ITFG2: variants seen among roughly 807,000 people sequenced by gnomAD.
ITFG2 encodes the protein KICSTOR complex protein ITFG2.
In ITFG2, 36 loss-of-function variants were observed where a neutral mutation model predicts 54.4. The ratio of observed to expected loss-of-function variants is 0.66; its 90% CI spans 0.51 to 0.87. The LOEUF (loss-of-function observed/expected upper bound fraction) is 0.87, where lower values mean the gene tolerates loss of function less well. Among genes scored for constraint, ITFG2 ranks in the 40% least tolerant of loss-of-function variants. ITFG2 has a pLI of 0.00. For synonymous variants in ITFG2, 211 were observed against 225.4 expected, an observed-to-expected ratio of 0.94 and a Z score of 0.57; for missense variants, 524 against 576.7, an observed-to-expected ratio of 0.91 and a Z score of 0.94.
chr12:2,835,196 A>AGG (rs2098023713), upstream of ITFG2: 7 of 872,826 alleles, frequency 8.0e-6, no homozygotes, highest in Non-Finnish European at 9.2e-6. Context: ...TGTGTGAGAG[A>AGG]GAGAGAGAGA....
intron 2 of ITFG2, chr12:2,830,735 C>G: frequency 3.1e-6 from 5 of 1,613,252 alleles, no homozygotes; most frequent in Non-Finnish European, 4.2e-6. Context: ...GAGCTGGAAT[C>G]TCTGTCCTGC....
chr12:2,833,304 G>C (rs1004083005), upstream of ITFG2, among the ~76,000 whole-genome samples: 2 of 152,074 alleles, frequency 1.3e-5, no homozygotes, highest in Admixed American at 1.3e-4. Context: ...CCGCTTCCCT[G>C]CTCCATCCCT....
intron 2 of ITFG2, chr12:2,849,675 C>T (rs1017712586): frequency 1.1e-5 from 10 of 871,012 alleles, no homozygotes; most frequent in Middle Eastern, 3.4e-4. Flanking sequence ...TCCACCTAAT[C>T]GGATATTGAC....
intron 4 of ITFG2, among the ~76,000 whole-genome samples, chr12:2,819,269 C>T (rs1014931017): frequency 1.3e-5 from 2 of 152,034 alleles, no homozygotes; most frequent in African/African-American, 2.4e-5. Context: ...CCGAGACCAT[C>T]CTGGCTAACA....
intron 2 of ITFG2, chr12:2,855,148 A>AGCC (rs1244617968): frequency 6.5e-7 from 1 of 1,528,652 alleles, no homozygotes; most frequent in African/African-American, 1.4e-5. Context: ...GGAGTCGGTC[A>AGCC]GCCAGCGCCA....
chr12:2,817,902 C>T lies in ITFG2; in HGVS notation c.193-7C>T. On this transcript the variant is annotated splice_polypyrimidine_tract_variant and splice_region_variant and intron_variant, in intron 2 of 11. Transcript: ENST00000228799. ...CGTCTCCCTGAGCCTCCCTTTCTCT[C>T]TTACAGCTGACTTGCGTTGGGGTTG... is the stretch of plus-strand genomic sequence containing the variant. 1.2e-6 allele frequency: 2 copies of T among 1,613,700 alleles called. No individual in the cohort carries two copies. The highest frequency in any genetic ancestry group is 8.5e-7 in the Non-Finnish European group (1 of 1,179,830).
chr12:2,858,493 G>A (rs2098096702), intron 3 of ITFG2: 2 of 673,722 alleles, frequency 3.0e-6, no homozygotes, highest in East Asian at 2.7e-5. Flanking sequence ...GGGTGTGACT[G>A]CTACTTTTGC....
chr12:2,828,799 G>A (rs1273533609), downstream of ITFG2, among the ~76,000 whole-genome samples: 1 of 152,122 alleles, frequency 6.6e-6, no homozygotes, highest in Non-Finnish European at 1.5e-5. Context: ...CCAAGATCAC[G>A]CCATTACACT....
chr12:2,843,356 C>G (rs1338913810), intron 2 of ITFG2, among the ~76,000 whole-genome samples: 1 of 152,212 alleles, frequency 6.6e-6, no homozygotes, highest in Non-Finnish European at 1.5e-5. Flanking sequence ...GTGGATCTTC[C>G]AAAGGCTGCC....
At position 2,812,842 on chromosome 12, in the gene ITFG2, G is replaced by A. The variant is rs1202745719; in HGVS notation, c.82G>A (p.Val28Ile). Residue 28 changes from valine (V) to isoleucine (I), a missense_variant, in exon 1 of 12, where the codon GTT becomes ATT. Val to Ile is a conservative substitution (Grantham distance 29). Coordinates refer to ENST00000228799, the MANE Select transcript of ITFG2 (RefSeq NM_018463.4). The stretch of plus-strand genomic sequence containing the variant: ...CCCGCACGCAATCTGCCTCGGAGAC[G>A]TTGATAACGATACGGTAGGTGCATG... ...LFPHAICLGD[V>I]DNDTLNELVV... The A allele has an allele frequency of 1.2e-6, 2 of 1,612,096 alleles. No individual in the cohort carries two copies. Among genetic ancestry groups the A allele is most frequent in the South Asian group, 1.1e-5 (1 of 91,050 alleles).
chr12:2,832,480 G>A (rs1017975421), upstream of ITFG2, among the ~76,000 whole-genome samples: 3 of 151,900 alleles, frequency 2.0e-5, no homozygotes, highest in African/African-American at 7.3e-5. Flanking sequence ...TGGATGACTG[G>A]CTTAACACAC....
chr12:2,832,561 C>CT (rs2098008992), upstream of ITFG2, among the ~76,000 whole-genome samples: 1 of 151,612 alleles, frequency 6.6e-6, no homozygotes, highest in African/African-American at 2.4e-5. Flanking sequence ...GATGTACCCT[C>CT]TCCAGGATAC....
At chr12:2,850,847 T>G (rs2153928529) in intron 2 of ITFG2, among the ~76,000 whole-genome samples, 1 of 151,994 alleles carries the variant, frequency 6.6e-6, no homozygotes, top group African/African-American at 2.4e-5. Flanking sequence ...ATTTTTTATA[T>G]TTTTAGTAGA....
At chr12:2,813,125 C>T (rs2153922836) in intron 1 of ITFG2, among the ~76,000 whole-genome samples, 1 of 152,358 alleles carries the variant, frequency 6.6e-6, no homozygotes, top group African/African-American at 2.4e-5. Context: ...CAACCTCTGC[C>T]TCCCGGGCTC....
intron 2 of ITFG2, 125 bp from the exon 3 acceptor site, chr12:2,817,784 C>A: frequency 1.2e-6 from 1 of 866,794 alleles, no homozygotes; most frequent in South Asian, 1.7e-5. Flanking sequence ...CACCATGGTT[C>A]ATATGGCGAA....
intron 2 of ITFG2, among the ~76,000 whole-genome samples, chr12:2,852,452 G>A (rs139422829): frequency 5.3e-5 from 8 of 151,958 alleles, no homozygotes; most frequent in African/African-American, 1.7e-4. Context: ...CTGCAGCCTC[G>A]ACCTCCTGGG....
In ITFG2 at chr12:2,824,148, C is replaced by T. The variant is rs1305036039; in HGVS notation, c.1299C>T (p.Asp433=). 6.2e-7 allele frequency: 1 copy of T among 1,614,056 alleles called. No homozygotes were observed. The highest frequency in any genetic ancestry group is 1.7e-5 in the Admixed American group (1 of 60,002). Residue 433 remains aspartate (D), a synonymous_variant, in exon 12 of 12, where the codon GAC becomes GAT. Coordinates refer to ENST00000228799, the MANE Select transcript of ITFG2 (RefSeq NM_018463.4). ...TTCACCAAACGCTCTACCATCCAGA[C>T]CAGCCACCACAGTGTGCTCCCTCAA... ...ALLHQTLYHP[D]QPPQCAPSSL... is the part of the protein sequence containing the mutation.
intron 2 of ITFG2, among the ~76,000 whole-genome samples, chr12:2,847,687 C>CA (rs1445248768): frequency 6.7e-6 from 1 of 150,160 alleles, no homozygotes. Context: ...AAAAGCCCCC[C>CA]AAAAAAATCA....
chr12:2,859,593 A>C (rs766342084), exon 4 of ITFG2: 1 of 1,613,738 alleles, frequency 6.2e-7, no homozygotes, highest in Non-Finnish European at 8.5e-7. Flanking sequence ...CCCTTCTCCA[A>C]ACAGGAGTTT....
Sources: gnomAD v4.1 joint callset for allele counts (sites outside exome capture counted in the v4.1 genomes callset) on GRCh38, gnomAD v4.1.1 for gene constraint, MANE v1.5 for transcripts, NCBI Gene and HGNC (gene_info 2026-07-23, HGNC 2026-07-21) for gene names.